Variants in STON2 observed in about 807,000 individuals in gnomAD.
The protein encoded by STON2 is stonin-2.
A neutral mutation model predicts 65.7 loss-of-function variants in STON2; 29 were observed. The ratio of observed to expected loss-of-function variants is 0.44; its 90% CI spans 0.33 to 0.60. STON2 has a LOEUF of 0.60. Ranked by LOEUF, STON2 falls within the 20% of genes least tolerant of loss-of-function variation. The pLI is 0.03. For missense variants in STON2, 1,054 were observed against 1,118.1 expected (o/e 0.94, Z 0.82); for synonymous variants, 404 against 414.2 (o/e 0.98, Z 0.30).
chr14:81,287,413 C>T (rs774259809), intron 5 of STON2, among the ~76,000 whole-genome samples: 5 of 152,150 alleles, frequency 3.3e-5, no homozygotes, highest in Non-Finnish European at 7.3e-5. Flanking sequence ...GTGAAGAAGC[C>T]AGTTCATCAA....
chr14:81,364,153 A>G (rs972729855), intron 4 of STON2, among the ~76,000 whole-genome samples: 6 of 152,186 alleles, frequency 3.9e-5, no homozygotes, highest in Admixed American at 1.3e-4. Flanking sequence ...TGTTTCTGAG[A>G]AAAAGAAACT....
chr14:81,386,544 C>T (rs1220833105), intron 3 of STON2, among the ~76,000 whole-genome samples: 1 of 152,170 alleles, frequency 6.6e-6, no homozygotes, highest in African/African-American at 2.4e-5. Flanking sequence ...AGGCCTTAGC[C>T]CAAGCTTTTA....
In STON2 at chr14:81,262,286, G is replaced by C. The variant is rs1343148278; in HGVS notation, c.*6128C>G. On this transcript the variant is annotated 3_prime_UTR_variant, in exon 8 of 8. Coordinates refer to ENST00000614646, the MANE Select transcript of STON2 (RefSeq NM_001394390.1). ...AATAAATCCATTATGGCATGCCTAT[G>C]AGTGACTTTAAATAAACAATCCTCA... 9.1e-6 allele frequency: 9 copies of C among 985,332 alleles called. No homozygotes were observed. Among genetic ancestry groups the C allele is most frequent in the East Asian group, 2.3e-4 (2 of 8,832 alleles). The allele number at this position is 985,332 out of a possible 1,614,324, so 61.0% of individuals were successfully genotyped here.
At chr14:81,378,319 G>A (rs113588154) in intron 3 of STON2, among the ~76,000 whole-genome samples, 1,673 of 152,230 alleles carry the variant, frequency 0.011, 29 homozygotes, top group South Asian at 0.043. Flanking sequence ...AGGTTCAAGC[G>A]ATCCACCCAC....
intron 4 of STON2, among the ~76,000 whole-genome samples, chr14:81,325,821 A>G (rs974666260): frequency 1.2e-4 from 19 of 152,220 alleles, no homozygotes; most frequent in African/African-American, 4.6e-4. Flanking sequence ...AGGGTCTGCA[A>G]TAGGGGCCAC....
Position 81,345,353 on chromosome 14 carries a change from A to T in STON2, c.572-21166T>A, listed in dbSNP as rs1310290130. 2.0e-5 allele frequency among the ~76,000 whole-genome samples: 3 copies of T among 152,182 alleles called. No homozygotes were observed. The East Asian group carries it at 5.8e-4, about 29-fold the overall frequency. On this transcript the variant is annotated intron_variant, in intron 4 of 7. Transcript: ENST00000614646. ...GTTGTCTTTATAAGAAGAGGATGTT[A>T]GGATACAGGCACCACAAAGGGGAGA...
intron 4 of STON2, among the ~76,000 whole-genome samples, chr14:81,335,331 GAGA>G (rs1364863468): frequency 2.6e-5 from 4 of 152,210 alleles, no homozygotes; most frequent in African/African-American, 9.6e-5. Flanking sequence ...AAAAGGTAGA[GAGA>G]AGAAGTCTCA....
intron 2 of STON2, among the ~76,000 whole-genome samples, chr14:81,406,772 G>A (rs895878372): frequency 1.3e-5 from 2 of 152,114 alleles, no homozygotes; most frequent in Non-Finnish European, 2.9e-5. Context: ...CAATCCTCCA[G>A]CAGCCACTCT....
At chr14:81,347,626 A>AC (rs1262969265) in intron 4 of STON2, among the ~76,000 whole-genome samples, 8 of 149,604 alleles carry the variant, frequency 5.3e-5, no homozygotes, top group East Asian at 3.9e-4. Flanking sequence ...AAAAAAAAAA[A>AC]AAAAAAAAAA....
At chr14:81,373,527 C>T (rs193198791) in intron 3 of STON2, among the ~76,000 whole-genome samples, 11 of 152,064 alleles carry the variant, frequency 7.2e-5, no homozygotes, top group Admixed American at 5.9e-4. Flanking sequence ...ATGCATCACA[C>T]GGTGAGCAAC....
rs761156342 is a variant in STON2, at chr14:81,261,895, A to G, written c.*6519T>C. ...AAATCTGTGTGTGGAAGGCAACTGC[A>G]ATATAGAGGATTTGGAAGGTTGTCT... On this transcript the variant is annotated 3_prime_UTR_variant, in exon 8 of 8. Coordinates refer to ENST00000614646, the MANE Select transcript of STON2 (RefSeq NM_001394390.1). 1.3e-6 allele frequency: 2 copies of G among 1,528,444 alleles called. No homozygotes were observed. Among genetic ancestry groups the G allele is most frequent in the South Asian group, 1.2e-5 (1 of 82,544 alleles). 94.7% of individuals were successfully genotyped at this position (1,528,444 alleles called of 1,614,324 possible).
chr14:81,378,332 C>T (rs1899351022), intron 3 of STON2, among the ~76,000 whole-genome samples: 1 of 152,220 alleles, frequency 6.6e-6, no homozygotes, highest in African/African-American at 2.4e-5. Flanking sequence ...CCACCCACCT[C>T]AACCTCCAGA....
chr14:81,347,127 A>G (rs758386813), intron 4 of STON2, among the ~76,000 whole-genome samples: 28 of 152,062 alleles, frequency 1.8e-4, no homozygotes, highest in African/African-American at 1.9e-4. Context: ...AAGAATCAAC[A>G]AAACAAAACT....
intron 5 of STON2, among the ~76,000 whole-genome samples, chr14:81,287,228 A>G (rs1391550504): frequency 6.6e-6 from 1 of 152,198 alleles, no homozygotes; most frequent in South Asian, 2.1e-4. Context: ...ACTATGATAA[A>G]AAGAGGAGCC....
chr14:81,379,397 A>G (rs1899405798), intron 3 of STON2, among the ~76,000 whole-genome samples: 1 of 152,224 alleles, frequency 6.6e-6, no homozygotes, highest in African/African-American at 2.4e-5. Context: ...ATGGAGAAAG[A>G]TATATATGGA....
intron 4 of STON2, among the ~76,000 whole-genome samples, 102 bp from the exon 5 acceptor site, chr14:81,324,289 C>T (rs1047918723): frequency 1.6e-4 from 24 of 152,238 alleles, no homozygotes; most frequent in Admixed American, 1.6e-3. Context: ...CAGGCGCAGA[C>T]AGGAGAGTCT....
intron 6 of STON2, among the ~76,000 whole-genome samples, chr14:81,273,900 T>G (rs1894701282): frequency 6.6e-6 from 1 of 152,184 alleles, no homozygotes; most frequent in African/African-American, 2.4e-5. Flanking sequence ...GAGCCCTAGC[T>G]TCCTTAAAGA....
chr14:81,377,959 T>C (rs1288971477), intron 3 of STON2, among the ~76,000 whole-genome samples: 2 of 152,034 alleles, frequency 1.3e-5, no homozygotes, highest in Admixed American at 6.6e-5. Context: ...GCAATTCTCC[T>C]GCCTCAGCCT....
At chr14:81,323,956 G>C (rs1037455860) in intron 5 of STON2, among the ~76,000 whole-genome samples, 61 bp downstream of exon 5, 1 of 151,858 alleles carries the variant, frequency 6.6e-6, no homozygotes, top group African/African-American at 2.4e-5. Flanking sequence ...CAATCAAAAA[G>C]AAAAGCCAAC....
Sources: gnomAD v4.1 joint callset for allele counts (sites outside exome capture counted in the v4.1 genomes callset) on GRCh38, gnomAD v4.1.1 for gene constraint, MANE v1.5 for transcripts, NCBI Gene and HGNC (gene_info 2026-07-23, HGNC 2026-07-21) for gene names.